Variants in USP53 observed in about 807,000 individuals in gnomAD.
USP53 encodes the protein ubiquitin carboxyl-terminal hydrolase 53.
A neutral mutation model predicts 94.9 loss-of-function variants in USP53; 71 were observed. That is an observed-to-expected ratio of 0.75 (90% CI 0.62 to 0.91). USP53 has a LOEUF of 0.91. Ranked by LOEUF, USP53 falls within the 40% of genes least tolerant of loss-of-function variation. The probability of loss-of-function intolerance (pLI) is 0.00; values close to 1 mark genes in which losing one functional copy is unlikely to be tolerated. For missense variants in USP53, 1,173 were observed against 1,281.0 expected (o/e 0.92, Z 1.29); for synonymous variants, 375 against 422.7 (o/e 0.89, Z 1.39).
Position 119,271,928 on chromosome 4 carries a change from A to G in USP53, c.2068A>G (p.Ser690Gly), listed in dbSNP as rs780829971. The stretch of plus-strand genomic sequence containing the variant: ...GCAAAGGACTGAGTCTGGATATGAA[A>G]GCAGTGATCACATCAGTAATGGTTC... ...QMQRTESGYE[S>G]SDHISNGSTN... The change falls in exon 16 of 19, where the codon AGC becomes GGC. Residue 690 changes from serine to glycine, a missense_variant. By Grantham distance (56) the Ser-to-Gly change is moderately conservative. Transcript: ENST00000692078. 1.9e-5 allele frequency: 31 copies of G among 1,614,074 alleles called. No homozygotes were observed. The highest frequency in any genetic ancestry group is 2.5e-5 in the Non-Finnish European group (29 of 1,180,022).
chr4:119,218,444 G>C (rs1744092099), intron 3 of USP53: 1 of 152,168 alleles, frequency 6.6e-6, no homozygotes, highest in Non-Finnish European at 1.5e-5. Context: ...ATAGGTAAAA[G>C]CAACATGAAA....
intron 3 of USP53, among the ~76,000 whole-genome samples, chr4:119,234,945 G>A (rs993163766): frequency 2.6e-5 from 4 of 152,146 alleles, no homozygotes; most frequent in Non-Finnish European, 5.9e-5. Context: ...TGCAGAACTC[G>A]TGGATATGGA....
intron 9 of USP53, among the ~76,000 whole-genome samples, chr4:119,259,280 C>CAAA (rs11348254): frequency 8.4e-6 from 1 of 119,418 alleles, no homozygotes. Flanking sequence ...GACCCCATCT[C>CAAA]AAAAAAAAAA....
At position 119,292,845 on chromosome 4, in the gene USP53, T is replaced by A; in HGVS notation, c.2856T>A (p.Phe952Leu). 1 of 1,614,118 alleles carries A rather than the reference T, an allele frequency of 6.2e-7. No homozygotes were observed. Among genetic ancestry groups the A allele is most frequent in the Non-Finnish European group, 8.5e-7 (1 of 1,179,976 alleles). ...CTGATGTCAAACTTACAGAGGTGTTTAAAGCTACCTCTCATCTTCCGAAGC... is the reference window on the plus strand; with the variant it reads ...CTGATGTCAAACTTACAGAGGTGTTAAAAGCTACCTCTCATCTTCCGAAGC... The part of the protein sequence containing the change: ...STPDVKLTEV[F>L]KATSHLPKHS... The change falls in exon 19 of 19, where the codon TTT becomes TTA. Residue 952 changes from phenylalanine (F) to leucine (L), a missense_variant. By Grantham distance (22) the Phe-to-Leu change is conservative. Transcript: ENST00000692078.
chr4:119,267,508 A>C (rs1244155282), intron 13 of USP53, 26 bp downstream of exon 13: 3 of 1,596,766 alleles, frequency 1.9e-6, no homozygotes, highest in South Asian at 2.3e-5. Flanking sequence ...AAAAATTCTC[A>C]ATGTTTTTCT....
rs540555344 is a variant in USP53 at position 119,232,859 on chromosome 4, C to T, written c.-664-2431C>T. Among the ~76,000 whole-genome samples, 3 of 151,946 alleles carry T rather than the reference C, an allele frequency of 2.0e-5. No individual in the cohort carries two copies. In the South Asian group the frequency reaches 6.2e-4, roughly 32 times the overall value. On this transcript the variant is annotated intron_variant, in intron 3 of 18. Transcript: ENST00000692078. ...TGGGGTTACTTTCTATTTCATTTTC[C>T]CTTTGGCCTGCAGTGATCTAACACT...
In USP53 at chr4:119,292,101, CTGGTAATGA is replaced by C. The variant is rs569085078; in HGVS notation, c.2349-233_2349-225del. On this transcript the variant is annotated intron_variant, in intron 18 of 18. Coordinates refer to ENST00000692078, the MANE Select transcript of USP53 (RefSeq NM_001371395.1). ...ATTTCTAATTATTAGAAATGGGATT[CTGGTAATGA>C]TGGGTGTTTCTGGTAAACACTCACA... Among the ~76,000 whole-genome samples, 212 of 152,138 alleles carry C rather than the reference CTGGTAATGA, an allele frequency of 1.4e-3. 1 individual carries two copies. The Middle Eastern group carries it at 0.024, about 17-fold the overall frequency.
chr4:119,239,929 T>TAA, intron 5 of USP53, 26 bp downstream of exon 5: 1 of 1,395,312 alleles, frequency 7.2e-7, no homozygotes, highest in South Asian at 1.9e-5. Context: ...CTTATTACAT[T>TAA]AAAAAAAATA....
At chr4:119,259,574 T>C (rs1381225925) in intron 9 of USP53, among the ~76,000 whole-genome samples, 1 of 152,212 alleles carries the variant, frequency 6.6e-6, no homozygotes, top group African/African-American at 2.4e-5. Context: ...CTCATTTATC[T>C]AGTTCCAAAC....
chr4:119,283,937 G>A (rs1561345260), intron 17 of USP53, among the ~76,000 whole-genome samples: 1 of 151,848 alleles, frequency 6.6e-6, no homozygotes, highest in Non-Finnish European at 1.5e-5. Flanking sequence ...GGAGATCGAA[G>A]GGCAAGAAAT....
At chr4:119,274,697 G>T (rs1752363660) in intron 17 of USP53, among the ~76,000 whole-genome samples, 1 of 139,304 alleles carries the variant, frequency 7.2e-6, no homozygotes, top group Non-Finnish European at 1.6e-5. Context: ...GGTTGAACTA[G>T]TTTACAGTCC....
chr4:119,228,348 A>C (rs1242034789), intron 3 of USP53, among the ~76,000 whole-genome samples: 1 of 152,186 alleles, frequency 6.6e-6, no homozygotes, highest in Non-Finnish European at 1.5e-5. Flanking sequence ...CAGCAATGGC[A>C]CATCAAGTCT....
At chr4:119,222,898 T>A (rs1472816452) in intron 3 of USP53, among the ~76,000 whole-genome samples, 1 of 152,140 alleles carries the variant, frequency 6.6e-6, no homozygotes, top group Non-Finnish European at 1.5e-5. Flanking sequence ...CCACTATTTT[T>A]ATAATTATTT....
intron 9 of USP53, among the ~76,000 whole-genome samples, chr4:119,257,157 T>A (rs901285983): frequency 6.6e-6 from 1 of 152,300 alleles, no homozygotes; most frequent in East Asian, 1.9e-4. Context: ...ATATTTGGCA[T>A]GTGGCTGGGC....
At chr4:119,263,543 C>A (rs1428538041) in intron 12 of USP53, among the ~76,000 whole-genome samples, 1 of 152,018 alleles carries the variant, frequency 6.6e-6, no homozygotes. Context: ...AGGGGTGAAC[C>A]CACACAAGTT....
At chr4:119,288,528 T>C (rs13144426) in intron 17 of USP53, among the ~76,000 whole-genome samples, 15,980 of 152,236 alleles carry the variant, frequency 0.1, 944 homozygotes, top group Non-Finnish European at 0.13. Context: ...TCTGAAACCA[T>C]AGTATTTAAC....
At chr4:119,220,787 A>G (rs1332924340) in intron 3 of USP53, 2 of 152,226 alleles carry the variant, frequency 1.3e-5, no homozygotes, top group African/African-American at 2.4e-5. Flanking sequence ...GAGCACTGCA[A>G]TGGAGTCTTG....
At chr4:119,280,403 T>C (rs540285848) in intron 17 of USP53, among the ~76,000 whole-genome samples, 1 of 152,292 alleles carries the variant, frequency 6.6e-6, no homozygotes, top group South Asian at 2.1e-4. Flanking sequence ...TATTTCTATA[T>C]TTGCAAAGAA....
intron 10 of USP53, among the ~76,000 whole-genome samples, 158 bp downstream of exon 10, chr4:119,260,083 C>T (rs970236821): frequency 6.6e-6 from 1 of 152,070 alleles, no homozygotes; most frequent in Non-Finnish European, 1.5e-5. Context: ...TATCATTTAT[C>T]TTAGCATAAA....
Sources: gnomAD v4.1 joint callset for allele counts (sites outside exome capture counted in the v4.1 genomes callset) on GRCh38, gnomAD v4.1.1 for gene constraint, MANE v1.5 for transcripts, NCBI Gene and HGNC (gene_info 2026-07-23, HGNC 2026-07-21) for gene names.